The following TSPAN17 variants were observed in gnomAD, a reference collection of about 807,000 sequenced individuals.
The protein encoded by TSPAN17 is tetraspanin 17.
TSPAN17 carries 33 observed loss-of-function variants against 40.5 expected under a neutral mutation model. The observed-to-expected ratio is 0.81, with a 90% confidence interval of 0.62 to 1.09. The LOEUF (loss-of-function observed/expected upper bound fraction) is 1.09. Among genes scored for constraint, TSPAN17 ranks in the 50% least tolerant of loss-of-function variants. TSPAN17 has a pLI of 0.00. For synonymous variants in TSPAN17, 166 were observed against 169.4 expected (o/e 0.98, Z 0.15); for missense variants, 365 against 416.8 (o/e 0.88, Z 1.08).
chr5:176,657,974 A>T lies in TSPAN17; in HGVS notation c.*276A>T, dbSNP rs1432484720. 2.5e-6 allele frequency: 1 copy of T among 398,946 alleles called. No individual in the cohort carries two copies. The highest frequency in any genetic ancestry group is 4.2e-6 in the Non-Finnish European group (1 of 239,098). 24.7% of individuals were successfully genotyped at this position (398,946 alleles called of 1,614,324 possible). A position where few individuals can be genotyped will look rare whatever the true frequency, so the allele number is the denominator to read the frequency against. On this transcript the variant is annotated 3_prime_UTR_variant, in exon 9 of 9. Coordinates refer to ENST00000508164, the MANE Select transcript of TSPAN17 (RefSeq NM_130465.5). ...GATGGAGAGGCTGGACCCCGCTTTG[A>T]AGAGGGTGCAGCCTGGGAAGGGCGG...
In TSPAN17 at chr5:176,647,595, G is replaced by T; in HGVS notation, c.-21G>T. 1.3e-6 allele frequency: 2 copies of T among 1,550,894 alleles called. No individual in the cohort carries two copies. Among genetic ancestry groups the T allele is most frequent in the East Asian group, 4.9e-5 (2 of 40,606 alleles). On this transcript the variant is annotated 5_prime_UTR_variant, in exon 1 of 9. Coordinates refer to ENST00000508164, the MANE Select transcript of TSPAN17 (RefSeq NM_130465.5). ...CCTGGCTCCCGGCTCCGGTTTCCGGGCCGGCGGGTGGCCGCTCACCATGCC... is the reference window on the plus strand; with the variant it reads ...CCTGGCTCCCGGCTCCGGTTTCCGGTCCGGCGGGTGGCCGCTCACCATGCC...
chr5:176,657,302 TG>T, intron 8 of TSPAN17: 2 of 818,470 alleles, frequency 2.4e-6, no homozygotes, highest in Non-Finnish European at 3.7e-6. Context: ...AGGTGCTGTG[TG>T]GAGGGTCCCC....
Position 176,652,867 on chromosome 5 carries a change from G to A in TSPAN17, c.410G>A (p.Arg137Gln), listed in dbSNP as rs1445433281. ...ATCAACAACAACGTCAAGGCCTACC[G>A]GGACGACATTGACCTCCAGAACCTC... is the stretch of plus-strand genomic sequence containing the variant. Reference protein sequence around the residue: ...LFINNNVKAYRDDIDLQNLID... With the variant: ...LFINNNVKAYQDDIDLQNLID... The change falls in exon 4 of 9, where the codon CGG (arginine) becomes CAG (glutamine). Residue 137 changes from arginine (R) to glutamine (Q), a missense_variant. Transcript: ENST00000508164. The A allele has an allele frequency of 2.5e-6, 4 of 1,614,132 alleles. No homozygotes were observed. The highest frequency in any genetic ancestry group is 2.2e-5 in the East Asian group (1 of 44,876).
intron 1 of TSPAN17, among the ~76,000 whole-genome samples, chr5:176,649,847 T>C (rs943416668): frequency 6.6e-6 from 1 of 152,236 alleles, no homozygotes; most frequent in Non-Finnish European, 1.5e-5. Context: ...TCAGGGCCTC[T>C]GCCTGTGCCC....
rs558585940 is a variant in TSPAN17 at position 176,658,860 on chromosome 5, C to G, written c.*1162C>G. 5 of 152,424 alleles carry G rather than the reference C, an allele frequency of 3.3e-5. No individual in the cohort carries two copies. The highest frequency in any genetic ancestry group is 2.6e-4 in the Admixed American group (4 of 15,310). 9.4% of individuals were successfully genotyped at this position (152,424 alleles called of 1,614,324 possible). On this transcript the variant is annotated 3_prime_UTR_variant, in exon 9 of 9. Transcript: ENST00000508164. ...TGGCCCCATGCCCCTGTAGGTCCCTCTGGGACAGTCACCGCTGGGGTCCTG... is the reference window on the plus strand; with the variant it reads ...TGGCCCCATGCCCCTGTAGGTCCCTGTGGGACAGTCACCGCTGGGGTCCTG...
At position 176,654,984 on chromosome 5, in the gene TSPAN17, C is replaced by T. The variant is rs145525395; in HGVS notation, c.546C>T (p.Cys182=). ...CTDLNPSRER[C]GVPFSCCVRD... ...ACTTGAACCCCAGCCGGGAGCGCTG[C>T]GGGGTGCCCTTCTCCTGCTGCGTCA... The change falls in exon 5 of 9, where the codon TGC becomes TGT. Residue 182 remains cysteine (C), a synonymous_variant. Transcript: ENST00000508164. This position sits in a 1 kb window ranked among gnomAD's most constrained non-coding sequence, Gnocchi z 4.3. 3.9e-4 allele frequency: 626 copies of T among 1,610,928 alleles called. 1 individual carries two copies. Among genetic ancestry groups the T allele is most frequent in the Middle Eastern group, 6.6e-4 (4 of 6,078 alleles).
chr5:176,648,712 G>A (rs1245486169), intron 1 of TSPAN17, among the ~76,000 whole-genome samples: 1 of 152,188 alleles, frequency 6.6e-6, no homozygotes, highest in East Asian at 1.9e-4. Context: ...GGGACACCTT[G>A]GGCAAGTCAT....
At chr5:176,655,472 C>G (rs1761118666) in intron 5 of TSPAN17, among the ~76,000 whole-genome samples, 1 of 152,164 alleles carries the variant, frequency 6.6e-6, no homozygotes, top group African/African-American at 2.4e-5. Context: ...TTACGACTTT[C>G]TTCAGGGCAG....
Position 176,657,804 on chromosome 5 carries a change from C to G in TSPAN17, c.*106C>G. On this transcript the variant is annotated 3_prime_UTR_variant, in exon 9 of 9. Transcript: ENST00000508164. The stretch of plus-strand genomic sequence containing the variant: ...CCTGGGACACTGCCTCCCCAGTCAC[C>G]AAGGGCCCCAGCTGGCCCGTTCTAC... 2.0e-6 allele frequency: 3 copies of G among 1,506,776 alleles called. No individual in the cohort carries two copies. Among genetic ancestry groups the G allele is most frequent in the Non-Finnish European group, 2.7e-6 (3 of 1,130,970 alleles). The allele number at this position is 1,506,776 out of a possible 1,614,324, so 93.3% of individuals were successfully genotyped here.
chr5:176,657,140 C>T (rs1175632954), intron 8 of TSPAN17, 184 bp downstream of exon 8: 12 of 671,840 alleles, frequency 1.8e-5, no homozygotes, highest in South Asian at 3.8e-5. Flanking sequence ...GCTGTGCCTC[C>T]GCCTGGGCCT....
chr5:176,648,372 C>T (rs1760828024), intron 1 of TSPAN17, among the ~76,000 whole-genome samples: 2 of 152,144 alleles, frequency 1.3e-5, no homozygotes, highest in Admixed American at 6.5e-5. Context: ...AGCTGAGGCT[C>T]CTGGGCGGGT....
At chr5:176,656,986 C>T (rs1295596915) in intron 8 of TSPAN17, 30 bp downstream of exon 8, 16 of 1,606,456 alleles carry the variant, frequency 1.0e-5, no homozygotes, top group African/African-American at 1.3e-5. Context: ...TGGCCACATG[C>T]CTGGCCTACG....
chr5:176,656,915 C>T lies in TSPAN17; in HGVS notation c.768C>T (p.Ala256=). 6.8e-6 allele frequency: 11 copies of T among 1,614,176 alleles called. No individual in the cohort carries two copies. The highest frequency in any genetic ancestry group is 9.3e-6 in the Non-Finnish European group (11 of 1,180,028). Residue 256 remains alanine (A), a synonymous_variant, in exon 8 of 9, where the codon GCC becomes GCT. Coordinates refer to ENST00000508164, the MANE Select transcript of TSPAN17 (RefSeq NM_130465.5). ...ALLQIFGICL[A]QNLVSDIKAV... is the part of the protein sequence containing the mutation. ...TACAGATCTTTGGCATCTGCCTGGC[C>T]CAGAACCTCGTGAGTGACATCAAGG...
At chr5:176,648,297 A>G (rs1480294338) in intron 1 of TSPAN17, among the ~76,000 whole-genome samples, 2 of 152,152 alleles carry the variant, frequency 1.3e-5, no homozygotes, top group African/African-American at 4.8e-5. Flanking sequence ...CTGGGAGAGG[A>G]TCTCCCCGGT....
Position 176,654,751 on chromosome 5 carries a change from G to C in TSPAN17, c.457-144G>C. On this transcript the variant is annotated intron_variant, in intron 4 of 8. Coordinates refer to ENST00000508164, the MANE Select transcript of TSPAN17 (RefSeq NM_130465.5). The surrounding 1 kb of genome is among the most constrained non-coding windows in gnomAD (Gnocchi z 4.3). ...GCCTGGAGGTTGGGCCCAGGCCTGT[G>C]GGGGTGGGGAGGTGGCCACCCACTT... The C allele has an allele frequency of 9.8e-7, 1 of 1,025,610 alleles. No homozygotes were observed. The highest frequency in any genetic ancestry group is 1.4e-6 in the Non-Finnish European group (1 of 711,582). 63.5% of individuals were successfully genotyped at this position (1,025,610 alleles called of 1,614,324 possible). A position where few individuals can be genotyped will look rare whatever the true frequency, so the allele number is the denominator to read the frequency against.
In TSPAN17 at chr5:176,657,617, C is replaced by T. The variant is rs968583555; in HGVS notation, c.909C>T (p.Ala303=). The change falls in exon 9 of 9, where the codon GCC becomes GCT. Residue 303 remains alanine (A), a synonymous_variant. Coordinates refer to ENST00000508164, the MANE Select transcript of TSPAN17 (RefSeq NM_130465.5). ...AGPQQNSLTG[A]PGPAPPSRHV... The stretch of plus-strand genomic sequence containing the variant: ...CTCAGCAGAACTCTCTGACTGGGGC[C>T]CCTGGCCCGGCCCCACCCAGCCGAC... 6.2e-7 allele frequency: 1 copy of T among 1,613,638 alleles called. No homozygotes were observed. Among genetic ancestry groups the T allele is most frequent in the Non-Finnish European group, 8.5e-7 (1 of 1,179,896 alleles).
At position 176,656,153 on chromosome 5, in the gene TSPAN17, C is replaced by T. The variant is rs376109907; in HGVS notation, c.630+28C>T. 7 of 1,610,548 alleles carry T rather than the reference C, an allele frequency of 4.3e-6. No homozygotes were observed. In the African/African-American group the frequency reaches 8.0e-5, roughly 18 times the overall value. On this transcript the variant is annotated intron_variant, in intron 6 of 8. Coordinates refer to ENST00000508164, the MANE Select transcript of TSPAN17 (RefSeq NM_130465.5). ...GAGAGGGGTAGGAACCGGGCTGGGG[C>T]AGGCAGGCAGGGGTACTGGGTTGGG...
chr5:176,651,910 G>T lies in TSPAN17; in HGVS notation c.285+10G>T. 6.2e-7 allele frequency: 1 copy of T among 1,613,574 alleles called. No homozygotes were observed. Among genetic ancestry groups the T allele is most frequent in the Non-Finnish European group, 8.5e-7 (1 of 1,179,918 alleles). ...CTTCCTGCTCAAGTTTGTGAGTGCTGCCCTCAAGATCCCCTGGGAACCCCC... is the reference window on the plus strand; with the variant it reads ...CTTCCTGCTCAAGTTTGTGAGTGCTTCCCTCAAGATCCCCTGGGAACCCCC... On this transcript the variant is annotated intron_variant, in intron 3 of 8. Transcript: ENST00000508164. The surrounding 1 kb of genome is among the most constrained non-coding windows in gnomAD (Gnocchi z 4.5).
At chr5:176,653,078 T>A in intron 4 of TSPAN17, 165 bp downstream of exon 4, 1 of 683,318 alleles carries the variant, frequency 1.5e-6, no homozygotes, top group South Asian at 1.9e-5. Flanking sequence ...CAGCCCCTGC[T>A]GATCCTTATG....
Sources: gnomAD v4.1 joint callset for allele counts (sites outside exome capture counted in the v4.1 genomes callset) on GRCh38, gnomAD v4.1.1 for gene constraint, Gnocchi (gnomAD v3.1) non-coding constraint, MANE v1.5 for transcripts, NCBI Gene and HGNC (gene_info 2026-07-23, HGNC 2026-07-21) for gene names.